Variants in UBXN8 observed in about 807,000 individuals in gnomAD.
The protein encoded by UBXN8 is UBX domain-containing protein 8.
UBXN8 carries 27 observed loss-of-function variants against 32.1 expected under a neutral mutation model. The observed-to-expected ratio is 0.84, with a 90% CI of 0.62 to 1.16. UBXN8 has a LOEUF of 1.16. Ranked by LOEUF, UBXN8 falls within the 50% of genes most tolerant of loss-of-function variation. UBXN8 has a pLI of 0.00. For missense variants in UBXN8, 306 were observed against 311.4 expected, an observed-to-expected ratio of 0.98 and a Z score of 0.13; for synonymous variants, 109 against 111.8, an observed-to-expected ratio of 0.98 and a Z score of 0.16.
At position 30,744,291 on chromosome 8, in the gene UBXN8, T is replaced by C. The variant is rs1427358374; in HGVS notation, c.88+14T>C. 1.2e-6 allele frequency: 2 copies of C among 1,610,342 alleles called. No homozygotes were observed. The highest frequency in any genetic ancestry group is 2.7e-5 in the African/African-American group (2 of 74,938). On this transcript the variant is annotated intron_variant, in intron 1 of 7. Transcript: ENST00000265616. ...TCCCGGATATAGGTAAGTGTGACTT[T>C]TTCCCTTCGACAGTCACAGCTGGGT...
chr8:30,760,837 CT>C (rs1370911064), intron 5 of UBXN8, 50 bp from the exon 6 acceptor site: 32 of 1,255,320 alleles, frequency 2.5e-5, no homozygotes, highest in Non-Finnish European at 3.4e-5. Flanking sequence ...CTCATTGACA[CT>C]TTTGCTTGTT....
upstream of UBXN8, among the ~76,000 whole-genome samples, chr8:30,741,496 G>C: frequency 9.3e-6 from 1 of 107,618 alleles, no homozygotes; most frequent in East Asian, 2.7e-4. Flanking sequence ...TCACTCTATT[G>C]CCCAGGCTGG....
chr8:30,742,708 C>T (rs558600524), upstream of UBXN8, among the ~76,000 whole-genome samples: 21 of 152,236 alleles, frequency 1.4e-4, 1 homozygote, highest in South Asian at 1.4e-3. Flanking sequence ...AACTTGAAAT[C>T]CCACCCTTCC....
chr8:30,741,025 T>C (rs1371874988), upstream of UBXN8, among the ~76,000 whole-genome samples: 1 of 152,166 alleles, frequency 6.6e-6, no homozygotes, highest in African/African-American at 2.4e-5. Context: ...CCTTGTTGGG[T>C]GTACCGTCTC....
chr8:30,753,165 T>C, intron 3 of UBXN8, 60 bp downstream of exon 3: 5 of 1,423,506 alleles, frequency 3.5e-6, no homozygotes, highest in Non-Finnish European at 4.6e-6. Flanking sequence ...CTGAGGCAAT[T>C]AAAATTAAGG....
intron 3 of UBXN8, 34 bp from the exon 4 acceptor site, chr8:30,754,631 A>G (rs765014813): frequency 1.2e-5 from 18 of 1,527,484 alleles, no homozygotes; most frequent in East Asian, 2.5e-5. Flanking sequence ...ACATTAATGG[A>G]TAGTAACAAC....
chr8:30,730,874 AATT>A (rs1804935484), upstream of UBXN8, among the ~76,000 whole-genome samples: 2 of 152,268 alleles, frequency 1.3e-5, no homozygotes, highest in African/African-American at 4.8e-5. Context: ...AACACATCAC[AATT>A]ATTAGAAATA....
At chr8:30,746,748 A>T (rs1586093275) in intron 1 of UBXN8, among the ~76,000 whole-genome samples, 1 of 136,532 alleles carries the variant, frequency 7.3e-6, no homozygotes, top group Non-Finnish European at 1.6e-5. Flanking sequence ...TTGGTCTCCA[A>T]CTCCTGACCT....
intron 1 of UBXN8, among the ~76,000 whole-genome samples, chr8:30,734,664 C>T (rs1395237504): frequency 6.6e-6 from 1 of 151,846 alleles, no homozygotes; most frequent in Non-Finnish European, 1.5e-5. Flanking sequence ...GGATGCCAGG[C>T]ACAGTGGCTC....
At chr8:30,745,533 C>CAA (rs2128753032) in intron 1 of UBXN8, among the ~76,000 whole-genome samples, 1 of 152,230 alleles carries the variant, frequency 6.6e-6, no homozygotes, top group African/African-American at 2.4e-5. Context: ...TCCCTGCTCA[C>CAA]AAGGAGTCAG....
intron 4 of UBXN8, among the ~76,000 whole-genome samples, 163 bp from the exon 5 acceptor site, chr8:30,756,602 C>G (rs1805667519): frequency 6.6e-6 from 1 of 152,068 alleles, no homozygotes; most frequent in African/African-American, 2.4e-5. Context: ...GTTTTCCTGT[C>G]CACGGAGATA....
intron 6 of UBXN8, 129 bp downstream of exon 6, chr8:30,761,058 T>C (rs949622364): frequency 1.6e-6 from 1 of 631,140 alleles, no homozygotes; most frequent in Non-Finnish European, 2.6e-6. Flanking sequence ...GTGATTATAC[T>C]GTAACTAGGT....
At position 30,766,246 on chromosome 8, in the gene UBXN8, C is replaced by G; in HGVS notation, c.665C>G (p.Thr222Arg). The change falls in exon 8 of 8, where the codon ACG (threonine) becomes AGG (arginine). Residue 222 changes from threonine to arginine, a missense_variant. Transcript: ENST00000265616. The part of the protein sequence containing the change: ...YSSQVLFDWM[T>R]RIGYHISLYS... ...TTCTAGGTCTTATTTGACTGGATGA[C>G]GAGAATTGGGTACCACATATCTCTA... The G allele has an allele frequency of 6.2e-7, 1 of 1,612,030 alleles. No individual in the cohort carries two copies. Among genetic ancestry groups the G allele is most frequent in the Non-Finnish European group, 8.5e-7 (1 of 1,178,738 alleles).
chr8:30,751,362 T>G (rs1464428600), intron 1 of UBXN8, 34 bp from the exon 2 acceptor site: 1 of 1,539,002 alleles, frequency 6.5e-7, no homozygotes, highest in South Asian at 1.2e-5. Context: ...AAAAAAAGTT[T>G]TGAATTTTAA....
At chr8:30,763,392 T>A (rs759877748) in intron 7 of UBXN8, 45 bp downstream of exon 7, 2 of 1,565,342 alleles carry the variant, frequency 1.3e-6, no homozygotes, top group Non-Finnish European at 1.8e-6. Context: ...TTGTTGAATA[T>A]GGCAGTAGTT....
At chr8:30,754,518 C>T in intron 3 of UBXN8, 147 bp from the exon 4 acceptor site, 2 of 1,135,106 alleles carry the variant, frequency 1.8e-6, no homozygotes, top group Admixed American at 2.4e-5. Flanking sequence ...ACGAGCCTCC[C>T]CACAACCAAG....
upstream of UBXN8, among the ~76,000 whole-genome samples, chr8:30,741,109 AACTAG>A: frequency 6.6e-6 from 1 of 151,338 alleles, no homozygotes; most frequent in Non-Finnish European, 1.5e-5. Flanking sequence ...AAACCACTCT[AACTAG>A]ACTATAGAAC....
intron 1 of UBXN8, among the ~76,000 whole-genome samples, chr8:30,737,447 AGTC>A (rs1438930058): frequency 6.6e-6 from 1 of 152,206 alleles, no homozygotes; most frequent in Non-Finnish European, 1.5e-5. Context: ...ATATAAAACT[AGTC>A]ATCACACACT....
chr8:30,754,901 T>A (rs1158086044), intron 4 of UBXN8, 114 bp downstream of exon 4: 2 of 1,344,324 alleles, frequency 1.5e-6, no homozygotes, highest in South Asian at 3.2e-5. Flanking sequence ...TTATTGATAA[T>A]GATTATCAGT....
Sources: allele counts gnomAD v4.1 joint callset (sites outside exome capture counted in the v4.1 genomes callset), GRCh38; gene constraint gnomAD v4.1.1; transcripts MANE v1.5; gene names NCBI Gene and HGNC (gene_info 2026-07-23, HGNC 2026-07-21).